The following HR variants were observed in gnomAD, a reference collection of about 807,000 sequenced individuals.
The protein encoded by HR is HR lysine demethylase and nuclear receptor corepressor, also known as lysine-specific demethylase hairless.
HR carries 83 observed loss-of-function variants against 128.6 expected under a neutral mutation model. The ratio of observed to expected loss-of-function variants is 0.65; its 90% CI spans 0.54 to 0.77. HR has a LOEUF of 0.77. Among genes scored for constraint, HR ranks in the 30% least tolerant of loss-of-function variants. The probability of loss-of-function intolerance (pLI) is 0.00; values close to 1 mark genes in which losing one functional copy is unlikely to be tolerated. For missense variants in HR, 1,490 were observed against 1,574.6 expected, an observed-to-expected ratio of 0.95 and a Z score of 0.91; for synonymous variants, 681 against 658.2, an observed-to-expected ratio of 1.03 and a Z score of -0.53.
chr8:22,115,595 C>G lies in HR; in HGVS notation c.*105G>C. The G allele has an allele frequency of 9.9e-7, 1 of 1,007,062 alleles. No individual in the cohort carries two copies. The highest frequency in any genetic ancestry group is 1.6e-6 in the Non-Finnish European group (1 of 643,128). 62.4% of individuals were successfully genotyped at this position (1,007,062 alleles called of 1,614,324 possible). On this transcript the variant is annotated 3_prime_UTR_variant, in exon 19 of 19. Transcript: ENST00000381418. ...CCCAGAGTGGTGCTTGTGGGGTTGA[C>G]CAGAAATCCCCAAGTCCCCTAGCGC...
chr8:22,119,822 G>A lies in HR; in HGVS notation c.2915C>T (p.Ala972Val). The change falls in exon 14 of 19, where the codon GCT becomes GTT. Residue 972 changes from alanine (A) to valine (V), a missense_variant. Transcript: ENST00000381418. ...YCALHGKLNL[A>V]SYLPPGLALR... The stretch of plus-strand genomic sequence containing the variant: ...GGCAAGGCCCGGTGGGAGGTAGGAA[G>A]CCAGGTTGAGTTTTCCATGGAGGGC... 6.2e-7 allele frequency: 1 copy of A among 1,613,724 alleles called. No individual in the cohort carries two copies. Among genetic ancestry groups the A allele is most frequent in the Non-Finnish European group, 8.5e-7 (1 of 1,179,986 alleles).
In HR at chr8:22,125,354, C is replaced by T. The variant is rs371248457; in HGVS notation, c.1707G>A (p.Leu569=). Reference sequence around the variant, plus strand: ...CCAGGGCCTCCCGCTCCCTCCGCAGCAGGCGGCACAGTCGGTCCCCCAAAC... The same window carrying T: ...CCAGGGCCTCCCGCTCCCTCCGCAGTAGGCGGCACAGTCGGTCCCCCAAAC... The part of the protein sequence containing the change: ...LSGLGDRLCR[L]LRREREALAW... The change falls in exon 5 of 19, where the codon CTG becomes CTA. Residue 569 remains leucine (L), a synonymous_variant. Transcript: ENST00000381418. 1 of 1,603,320 alleles carries T rather than the reference C, an allele frequency of 6.2e-7. No homozygotes were observed. The highest frequency in any genetic ancestry group is 1.3e-5 in the African/African-American group (1 of 74,820).
In HR at chr8:22,121,688, A is replaced by G; in HGVS notation, c.2128T>C (p.Ser710Pro). ...GGAGTTGGGGGCGTTTTCTGTGTTGATTCCTTCTGTTAAACCCATCCACCA... is the reference window on the plus strand; with the variant it reads ...GGAGTTGGGGGCGTTTTCTGTGTTGGTTCCTTCTGTTAAACCCATCCACCA... Reference protein sequence around the residue: ...APGDAGQQKESTQKTPPTPQP... With the variant: ...APGDAGQQKEPTQKTPPTPQP... Residue 710 changes from serine to proline, a missense_variant, in exon 9 of 19, where the codon TCA (serine) becomes CCA (proline). Coordinates refer to ENST00000381418, the MANE Select transcript of HR (RefSeq NM_005144.5). 1.2e-6 allele frequency: 2 copies of G among 1,613,934 alleles called. No homozygotes were observed. Among genetic ancestry groups the G allele is most frequent in the Non-Finnish European group, 1.7e-6 (2 of 1,179,956 alleles).
Position 22,130,604 on chromosome 8 carries a change from C to T in HR, c.-217G>A, listed in dbSNP as rs1219619972. The T allele has an allele frequency of 1.3e-5, 2 of 152,186 alleles. No homozygotes were observed. The highest frequency in any genetic ancestry group is 1.3e-4 in the Admixed American group (2 of 15,278). The allele number at this position is 152,186 out of a possible 1,614,324, so 9.4% of individuals were successfully genotyped here. A position where few individuals can be genotyped will look rare whatever the true frequency, so the allele number is the denominator to read the frequency against. On this transcript the variant is annotated 5_prime_UTR_variant, in exon 1 of 19. The change abolishes the stop of an existing upstream ORF in the 5' untranslated region. Transcript: ENST00000381418. ...CTTCCCCCGGGGCGGCGGGGGCGCT[C>T]TAGGGCCGCAGGTTGGAGGGGTCGG...
At position 22,116,742 on chromosome 8, in the gene HR, C is replaced by T. The variant is rs993597263; in HGVS notation, c.3378+133G>A. ...CCTCTTGGCTCCCCCGTTATCTCTT[C>T]CCCACAGCAGCGTGCGGCTCCCTGC... On this transcript the variant is annotated intron_variant, in intron 17 of 18. Transcript: ENST00000381418. The surrounding 1 kb of genome is among the most constrained non-coding windows in gnomAD (Gnocchi z 4.2). 7.0e-6 allele frequency: 9 copies of T among 1,287,156 alleles called. No homozygotes were observed. The highest frequency in any genetic ancestry group is 2.5e-5 in the East Asian group (1 of 39,814). 79.7% of individuals were successfully genotyped at this position (1,287,156 alleles called of 1,614,324 possible). A position where few individuals can be genotyped will look rare whatever the true frequency, so the allele number is the denominator to read the frequency against.
At chr8:22,128,476 T>A (rs1826959034) in intron 2 of HR, 83 bp downstream of exon 2, 3 of 1,573,580 alleles carry the variant, frequency 1.9e-6, no homozygotes, top group Non-Finnish European at 2.6e-6. Context: ...TCTCTTTTCA[T>A]CACAGTGGAA....
intron 8 of HR, among the ~76,000 whole-genome samples, chr8:22,122,046 G>T (rs1244711779): frequency 2.0e-5 from 3 of 152,158 alleles, no homozygotes; most frequent in African/African-American, 7.2e-5. Context: ...TGCATTCAAT[G>T]AACTATTTAT....
In HR at chr8:22,127,159, G is replaced by A. The variant is rs1400473649; in HGVS notation, c.1283C>T (p.Pro428Leu). Residue 428 changes from proline (P) to leucine (L), a missense_variant, in exon 3 of 19, where the codon CCC becomes CTC. Coordinates refer to ENST00000381418, the MANE Select transcript of HR (RefSeq NM_005144.5). Reference protein sequence around the residue: ...EVQGAMGSPAPKRPPDPFPGT... With the variant: ...EVQGAMGSPALKRPPDPFPGT... ...TGGAAAAGGGTCCGGTGGCCGCTTG[G>A]GGGCTGGACTGCCCATTGCTCCCTG... The A allele has an allele frequency of 1.2e-6, 2 of 1,612,524 alleles. No individual in the cohort carries two copies. The highest frequency in any genetic ancestry group is 2.2e-5 in the East Asian group (1 of 44,868).
Position 22,123,783 on chromosome 8 carries a change from G to A in HR, c.1781C>T (p.Pro594Leu). The stretch of plus-strand genomic sequence containing the variant: ...ACGGCTGCAGCAGCGTGGAATGCCT[G>A]GGCTGTCCTCTGTCACGGCTGGCCC... ...GQGPAVTEDSPGIPRCCSRCH... is the reference protein window; with the variant it reads ...GQGPAVTEDSLGIPRCCSRCH... Residue 594 changes from proline to leucine, a missense_variant, in exon 6 of 19, where the codon CCA becomes CTA. This residue lies in a region of HR where 1,060 missense variants were observed against 1,060.9 expected (regional missense o/e 1.00). Coordinates refer to ENST00000381418, the MANE Select transcript of HR (RefSeq NM_005144.5). 1 of 1,604,160 alleles carries A rather than the reference G, an allele frequency of 6.2e-7. No individual in the cohort carries two copies. Among genetic ancestry groups the A allele is most frequent in the Non-Finnish European group, 8.5e-7 (1 of 1,177,970 alleles).
intron 4 of HR, 37 bp from the exon 5 acceptor site, chr8:22,125,541 T>A: frequency 6.2e-7 from 1 of 1,612,762 alleles, no homozygotes; most frequent in Non-Finnish European, 8.5e-7. Context: ...CAGGGAGCCC[T>A]GGCGAGGGGG....
chr8:22,116,550 G>C lies in HR; in HGVS notation c.3379-122C>G. On this transcript the variant is annotated intron_variant, in intron 17 of 18. Transcript: ENST00000381418. This position sits in a 1 kb window ranked among gnomAD's most constrained non-coding sequence, Gnocchi z 4.2. ...CCCGACCCCTGGCTCTCAGAGAGCA[G>C]ATTCCTGGATGCACCACTGGACACC... The C allele has an allele frequency of 7.2e-7, 1 of 1,389,456 alleles. No individual in the cohort carries two copies. The highest frequency in any genetic ancestry group is 9.9e-7 in the Non-Finnish European group (1 of 1,008,298). 86.1% of individuals were successfully genotyped at this position (1,389,456 alleles called of 1,614,324 possible).
rs922528938 is a variant in HR at position 22,118,956 on chromosome 8, G to C, written c.3207C>G (p.Leu1069=). 1.2e-6 allele frequency: 2 copies of C among 1,611,398 alleles called. No homozygotes were observed. Among genetic ancestry groups the C allele is most frequent in the South Asian group, 2.2e-5 (2 of 91,018 alleles). ...CTCCCGGCTGCCTCCTCACCATCTG[G>C]AGAAAGCGGCGGATGCGCTGGGCGT... is the stretch of plus-strand genomic sequence containing the variant. The part of the protein sequence containing the change: ...AQDAQRIRRF[L]QMVCPAGAGA... The change falls in exon 16 of 19, where the codon CTC becomes CTG. Residue 1069 remains leucine, a synonymous_variant. Transcript: ENST00000381418.
intron 5 of HR, among the ~76,000 whole-genome samples, chr8:22,124,894 G>A (rs769177207): frequency 1.3e-5 from 2 of 152,156 alleles, no homozygotes; most frequent in African/African-American, 4.8e-5. Flanking sequence ...TGGGGCAAGA[G>A]GGAGCCCCGG....
chr8:22,116,491 T>C lies in HR; in HGVS notation c.3379-63A>G, dbSNP rs1422193771. On this transcript the variant is annotated intron_variant, in intron 17 of 18. Coordinates refer to ENST00000381418, the MANE Select transcript of HR (RefSeq NM_005144.5). This position sits in a 1 kb window ranked among gnomAD's most constrained non-coding sequence, Gnocchi z 4.2. ...ACACATCCTCTCCCTGTCCCCCTGG[T>C]CCCTGAGGTTCGCTTCCTCTAATGA... 4.5e-6 allele frequency: 7 copies of C among 1,572,646 alleles called. No individual in the cohort carries two copies. Among genetic ancestry groups the C allele is most frequent in the Non-Finnish European group, 6.0e-6 (7 of 1,159,094 alleles).
At chr8:22,125,850 T>C in intron 3 of HR, 118 bp from the exon 4 acceptor site, 1 of 1,193,092 alleles carries the variant, frequency 8.4e-7, no homozygotes, top group South Asian at 1.4e-5. Context: ...TCGCCCCAGG[T>C]CTCTGAAGCC....
In HR at chr8:22,120,821, C is replaced by A. The variant is rs1362827733; in HGVS notation, c.2505G>T (p.Val835=). The change falls in exon 11 of 19, where the codon GTG becomes GTT. Residue 835 remains valine, a synonymous_variant. Transcript: ENST00000381418. ...CCCCTGGGGGAGGCAGCCGGGGCCG[C>A]ACTGGAGAGAGGGGCAGGCCCAGGC... ...RKGLGLPLSP[V]RPRLPPPGAL... 3 of 1,550,926 alleles carry A rather than the reference C, an allele frequency of 1.9e-6. No homozygotes were observed. Among genetic ancestry groups the A allele is most frequent in the Non-Finnish European group, 2.6e-6 (3 of 1,147,088 alleles).
Position 22,115,673 on chromosome 8 carries a change from C to T in HR, c.*27G>A. ...TGAGCACCTGGTCTACCTGTCCCCA[C>T]CCCGATCCCAGACACCTAGCATCCC... On this transcript the variant is annotated 3_prime_UTR_variant, in exon 19 of 19. Coordinates refer to ENST00000381418, the MANE Select transcript of HR (RefSeq NM_005144.5). The T allele has an allele frequency of 1.2e-6, 2 of 1,610,338 alleles. No homozygotes were observed. The highest frequency in any genetic ancestry group is 2.2e-5 in the East Asian group (1 of 44,856).
In HR at chr8:22,116,344, G is replaced by A. The variant is rs1210858579; in HGVS notation, c.3463C>T (p.Gln1155Ter). ...CAGTCAGGGGGAAGGCTGGGTCCCT[G>A]GTGGCAGAGCTGAGCAGAGAGGGCA... ...TSALSAQLCH[Q>*]GPSLPPDCHL... The change falls in exon 18 of 19, where the codon CAG becomes TAG. Residue 1155 changes from glutamine (Q) to a stop codon, truncating the protein, a stop_gained. Transcript: ENST00000381418. LOFTEE classifies it high-confidence loss of function. This position sits in a 1 kb window ranked among gnomAD's most constrained non-coding sequence, Gnocchi z 4.2. 6.2e-7 allele frequency: 1 copy of A among 1,612,918 alleles called. No individual in the cohort carries two copies. The highest frequency in any genetic ancestry group is 8.5e-7 in the Non-Finnish European group (1 of 1,179,944).
rs148136587 is a variant in HR at position 22,129,159 on chromosome 8, C to T, written c.12G>A (p.Thr4=). Residue 4 remains threonine (T), a synonymous_variant, in exon 2 of 19, where the codon ACG becomes ACA. Coordinates refer to ENST00000381418, the MANE Select transcript of HR (RefSeq NM_005144.5). ...TTGGGGTGCCCTTCAGGAAGCTGGG[C>T]GTACTCTCCATCACTCTCCTGCCCT... MES[T]PSFLKGTPTW... 1.6e-5 allele frequency: 25 copies of T among 1,540,658 alleles called. No homozygotes were observed. The highest frequency in any genetic ancestry group is 2.8e-5 in the African/African-American group (2 of 72,326).
Sources: allele counts gnomAD v4.1 joint callset (sites outside exome capture counted in the v4.1 genomes callset), GRCh38; gene constraint gnomAD v4.1.1; regional missense constraint gnomAD v4.1.1; non-coding constraint Gnocchi (gnomAD v3.1); transcripts MANE v1.5; gene names NCBI Gene and HGNC (gene_info 2026-07-23, HGNC 2026-07-21).